Variants in DDX27 observed in about 807,000 individuals in gnomAD.
DDX27 encodes probable ATP-dependent RNA helicase DDX27.
A neutral mutation model predicts 99.3 loss-of-function variants in DDX27; 42 were observed. The observed-to-expected ratio is 0.42, with a 90% CI of 0.33 to 0.55. The LOEUF (loss-of-function observed/expected upper bound fraction) is 0.55, where lower values mean the gene tolerates loss of function less well. DDX27 is among the 20% of genes least tolerant of loss of function. The probability of loss-of-function intolerance (pLI) is 0.07; values close to 1 mark genes in which losing one functional copy is unlikely to be tolerated. For missense variants in DDX27, 798 were observed against 976.8 expected (o/e 0.82, Z 2.44); for synonymous variants, 329 against 353.8 (o/e 0.93, Z 0.79).
chr20:49,228,400 T>C (rs2146711075), intron 7 of DDX27, among the ~76,000 whole-genome samples: 1 of 151,900 alleles, frequency 6.6e-6, no homozygotes, highest in African/African-American at 2.4e-5. Context: ...CCTCACAAAG[T>C]GCTGGGATTA....
intron 2 of DDX27, among the ~76,000 whole-genome samples, chr20:49,222,127 G>C (rs1318539456): frequency 6.6e-6 from 1 of 151,912 alleles, no homozygotes; most frequent in Non-Finnish European, 1.5e-5. Context: ...AAGTAAACCA[G>C]CATTGCCTTT....
intron 6 of DDX27, among the ~76,000 whole-genome samples, chr20:49,225,453 CTTT>C (rs772387461): frequency 3.7e-5 from 4 of 107,300 alleles, no homozygotes; most frequent in South Asian, 6.3e-4. Flanking sequence ...AGAGAACTCC[CTTT>C]TTTTTTTTTT....
At position 49,241,908 on chromosome 20, in the gene DDX27, A is replaced by G; in HGVS notation, c.1913A>G (p.Gln638Arg). 6.2e-7 allele frequency: 1 copy of G among 1,614,232 alleles called. No individual in the cohort carries two copies. The highest frequency in any genetic ancestry group is 8.5e-7 in the Non-Finnish European group (1 of 1,180,034). The change falls in exon 17 of 21, where the codon CAG becomes CGG. Residue 638 changes from glutamine to arginine, a missense_variant. By Grantham distance (43) the Gln-to-Arg change is conservative (BLOSUM62 1). Coordinates refer to ENST00000618172, the MANE Select transcript of DDX27 (RefSeq NM_017895.8). ...CTCATCCCAGTTGCCAAAGCTCTGC[A>G]GGAATTTGACTTGGCCTTAAGAGGA... is the stretch of plus-strand genomic sequence containing the variant. The part of the protein sequence containing the change: ...RKKEKIAKAL[Q>R]EFDLALRGKK...
chr20:49,230,498 T>C, intron 9 of DDX27, 149 bp downstream of exon 9: 1 of 865,648 alleles, frequency 1.2e-6, no homozygotes, highest in East Asian at 2.8e-5. Flanking sequence ...CTGGGGCCTC[T>C]GCCCAGCCTT....
At position 49,219,439 on chromosome 20, in the gene DDX27, CT is replaced by C; in HGVS notation, c.-9del. The C allele has an allele frequency of 6.2e-7, 1 of 1,613,538 alleles. No individual in the cohort carries two copies. ...CTGTGCTCGCTTCCGGAAGTGGCTT[CT>C]GCGACAACATGCTTGCGGACCTCGG... On this transcript the variant is annotated 5_prime_UTR_variant, in exon 1 of 21. Transcript: ENST00000618172.
chr20:49,220,720 CTGTACAG>C (rs1979628834), intron 1 of DDX27, among the ~76,000 whole-genome samples: 1 of 152,234 alleles, frequency 6.6e-6, no homozygotes, highest in Admixed American at 6.5e-5. Flanking sequence ...AGCCAGGCCC[CTGTACAG>C]TGCCCGGTCA....
intron 18 of DDX27, 95 bp from the exon 19 acceptor site, chr20:49,242,499 T>C: frequency 1.6e-6 from 2 of 1,239,542 alleles, no homozygotes; most frequent in Non-Finnish European, 2.3e-6. Context: ...GATGCCAGAG[T>C]ATCCACTGAA....
In DDX27 at chr20:49,233,444, G is replaced by A. The variant is rs201346655; in HGVS notation, c.1131+39G>A. 6 of 1,608,510 alleles carry A rather than the reference G, an allele frequency of 3.7e-6. No individual in the cohort carries two copies. The African/African-American group carries it at 8.0e-5, about 21-fold the overall frequency. On this transcript the variant is annotated intron_variant, in intron 10 of 20. Transcript: ENST00000618172. The stretch of plus-strand genomic sequence containing the variant: ...CTTCTCTGTGGCGGGTGGCAGGTGT[G>A]CCCAGAGGGGGCCATGCAGAGGACC...
chr20:49,241,850 G>T (rs369380428), intron 16 of DDX27, 43 bp from the exon 17 acceptor site: 11 of 1,597,400 alleles, frequency 6.9e-6, no homozygotes, highest in African/African-American at 1.3e-5. Context: ...CTTAAAAAAA[G>T]ATAAAATCAT....
chr20:49,233,465 G>A, intron 10 of DDX27, 60 bp downstream of exon 10: 1 of 1,603,544 alleles, frequency 6.2e-7, no homozygotes. Flanking sequence ...GCCATGCAGA[G>A]GACCCTGGCT....
Position 49,228,712 on chromosome 20 carries a change from C to G in DDX27, c.707-3C>G. ...ATTGCTTCCTTGCTGTCCCTCCCTC[C>G]AGGTAAAACTGCCGCCTTTGCCCTG... On this transcript the variant is annotated splice_region_variant and splice_polypyrimidine_tract_variant and intron_variant, in intron 7 of 20. Coordinates refer to ENST00000618172, the MANE Select transcript of DDX27 (RefSeq NM_017895.8). 1 of 1,590,134 alleles carries G rather than the reference C, an allele frequency of 6.3e-7. No individual in the cohort carries two copies. The highest frequency in any genetic ancestry group is 8.6e-7 in the Non-Finnish European group (1 of 1,163,304).
intron 1 of DDX27, among the ~76,000 whole-genome samples, chr20:49,221,180 T>C (rs1172750038): frequency 1.3e-5 from 2 of 152,214 alleles, no homozygotes; most frequent in Non-Finnish European, 2.9e-5. Context: ...CAGGCTGGTC[T>C]TGAACTCCTG....
intron 12 of DDX27, chr20:49,235,382 T>C (rs238150): frequency 0.21 from 63,679 of 296,202 alleles, 7,281 homozygotes; most frequent in African/African-American, 0.31. Flanking sequence ...TGGTCTCTTC[T>C]TGGAAGCTTT....
chr20:49,230,263 C>G lies in DDX27; in HGVS notation c.945C>G (p.Thr315=), dbSNP rs1267245773. The change falls in exon 9 of 21, where the codon ACC becomes ACG. Residue 315 remains threonine, a synonymous_variant. Coordinates refer to ENST00000618172, the MANE Select transcript of DDX27 (RefSeq NM_017895.8). ...CAGCGCCTGACATCCTCATCGCCAC[C>G]CCAGGCCGGCTCATCGATCACCTCC... ...LRAAPDILIA[T]PGRLIDHLHN... The G allele has an allele frequency of 1.9e-6, 3 of 1,613,264 alleles. No homozygotes were observed. In the South Asian group the frequency reaches 3.3e-5, roughly 18 times the overall value.
At chr20:49,224,365 T>A (rs1166452457) in intron 4 of DDX27, among the ~76,000 whole-genome samples, 8 of 144,410 alleles carry the variant, frequency 5.5e-5, no homozygotes, top group Admixed American at 1.4e-4. Context: ...TTTCTTTCTT[T>A]CTTTTTTTTT....
rs1402668966 is a variant in DDX27, at chr20:49,242,131, G to C, written c.2041G>C (p.Glu681Gln). 1 of 1,614,220 alleles carries C rather than the reference G, an allele frequency of 6.2e-7. No homozygotes were observed. The highest frequency in any genetic ancestry group is 8.5e-7 in the Non-Finnish European group (1 of 1,180,034). The change falls in exon 18 of 21, where the codon GAA (glutamate) becomes CAA (glutamine). Residue 681 changes from glutamate to glutamine, a missense_variant. Glu to Gln is a conservative substitution (Grantham distance 29). This residue lies in a region of DDX27 where 553 missense variants were observed against 727.9 expected (regional missense o/e 0.76). Transcript: ENST00000618172. ...AATCCTCAAGGCGCAGATGTTTGCTGAACGGCTAGCGAAGAGGAATCGCAG... is the reference window on the plus strand; with the variant it reads ...AATCCTCAAGGCGCAGATGTTTGCTCAACGGCTAGCGAAGAGGAATCGCAG... ...FEILKAQMFA[E>Q]RLAKRNRRAK...
chr20:49,242,216 TG>T lies in DDX27; in HGVS notation c.2116+14del, dbSNP rs752742974. 3.7e-6 allele frequency: 6 copies of T among 1,613,816 alleles called. 1 individual carries two copies. In the South Asian group the frequency reaches 4.4e-5, roughly 12 times the overall value. ...CCAGTGAGAGGTCCTGGTAGGTGAA[TG>T]GGGAGCCCAAAGGAGCTTGTACAAG... On this transcript the variant is annotated intron_variant, in intron 18 of 20. Coordinates refer to ENST00000618172, the MANE Select transcript of DDX27 (RefSeq NM_017895.8).
intron 11 of DDX27, chr20:49,234,644 C>CATGGAT (rs1980245008): frequency 3.6e-6 from 1 of 276,038 alleles, no homozygotes; most frequent in African/African-American, 2.2e-5. Context: ...AGAATCTTCC[C>CATGGAT]CTGGATCTTC....
In DDX27 at chr20:49,230,350, G is replaced by A. The variant is rs1980061339; in HGVS notation, c.1031+1G>A. ...TGCTCATCCTGGACGAGGCTGACAG[G>A]TGCTCCTCACAGCCTGGGGCCCAGG... On this transcript the variant is annotated splice_donor_variant, in intron 9 of 20. Transcript: ENST00000618172. LOFTEE classifies it high-confidence loss of function. The A allele has an allele frequency of 6.2e-7, 1 of 1,605,256 alleles. No homozygotes were observed. Among genetic ancestry groups the A allele is most frequent in the Non-Finnish European group, 8.5e-7 (1 of 1,179,542 alleles).
Sources: gnomAD v4.1 joint callset for allele counts (sites outside exome capture counted in the v4.1 genomes callset) on GRCh38, gnomAD v4.1.1 for gene constraint, gnomAD v4.1.1 regional missense constraint, MANE v1.5 for transcripts, NCBI Gene and HGNC (gene_info 2026-07-23, HGNC 2026-07-21) for gene names.